SLC9A9: variants seen among roughly 807,000 people sequenced by gnomAD.
SLC9A9 encodes the protein solute carrier family 9 member A9, also known as sodium/hydrogen exchanger 9.
A neutral mutation model predicts 77.8 loss-of-function variants in SLC9A9; 62 were observed. The observed-to-expected ratio is 0.80, with a 90% CI of 0.65 to 0.98. The LOEUF (loss-of-function observed/expected upper bound fraction) is 0.98. Among genes scored for constraint, SLC9A9 ranks in the 50% least tolerant of loss-of-function variants. The pLI, the probability that SLC9A9 is intolerant of heterozygous loss-of-function variation, is 0.00. For synonymous variants in SLC9A9, 320 were observed against 283.5 expected, an observed-to-expected ratio of 1.13 and a Z score of -1.29; for missense variants, 775 against 774.9, an observed-to-expected ratio of 1.00 and a Z score of 0.00.
intron 8 of SLC9A9, among the ~76,000 whole-genome samples, chr3:143,566,620 C>T (rs980123192): frequency 1.3e-5 from 2 of 152,018 alleles, no homozygotes; most frequent in African/African-American, 2.4e-5. Context: ...GTGTTCTATA[C>T]TGTTTAACTT....
chr3:143,748,949 C>T (rs570524547), intron 4 of SLC9A9, among the ~76,000 whole-genome samples: 2 of 151,450 alleles, frequency 1.3e-5, no homozygotes, highest in Admixed American at 6.6e-5. Context: ...ATGATCCACC[C>T]GCCTCGGCCT....
At chr3:143,627,622 AG>A in intron 6 of SLC9A9, 1 of 307,944 alleles carries the variant, frequency 3.2e-6, no homozygotes, top group Non-Finnish European at 6.2e-6. Context: ...GAAGAGCCAA[AG>A]ATCCCAAAGG....
intron 4 of SLC9A9, among the ~76,000 whole-genome samples, chr3:143,701,579 G>A (rs1026381041): frequency 2.0e-5 from 3 of 152,008 alleles, no homozygotes; most frequent in Non-Finnish European, 4.4e-5. Flanking sequence ...GAATTAGTGA[G>A]CTCAAAGACA....
intron 6 of SLC9A9, among the ~76,000 whole-genome samples, chr3:143,621,244 G>A (rs2038207262): frequency 6.6e-6 from 1 of 152,198 alleles, no homozygotes; most frequent in African/African-American, 2.4e-5. Context: ...AAATGTCCCT[G>A]TCTGACAGCT....
chr3:143,480,913 A>G (rs932712784), intron 11 of SLC9A9, among the ~76,000 whole-genome samples: 6 of 152,162 alleles, frequency 3.9e-5, no homozygotes, highest in Admixed American at 3.3e-4. Context: ...AAATCAAGGG[A>G]GGGAAGGAAA....
rs534885550 is a variant in SLC9A9, at chr3:143,393,344, A to G, written c.1470-11230T>C. ...TGCAAACTGAACAGCCTGCTCCTGAATGACTACTGGGTACGTAAGGAAATG... is the reference window on the plus strand; with the variant it reads ...TGCAAACTGAACAGCCTGCTCCTGAGTGACTACTGGGTACGTAAGGAAATG... On this transcript the variant is annotated intron_variant, in intron 12 of 15. Transcript: ENST00000316549. Among the ~76,000 whole-genome samples the G allele has an allele frequency of 6.6e-5, 10 of 152,358 alleles. No individual in the cohort carries two copies. In the South Asian group the frequency reaches 2.1e-3, roughly 32 times the overall value.
intron 12 of SLC9A9, among the ~76,000 whole-genome samples, chr3:143,390,468 A>T (rs1484379261): frequency 6.6e-6 from 1 of 152,174 alleles, no homozygotes; most frequent in East Asian, 1.9e-4. Flanking sequence ...GTAAGGGGTG[A>T]ATTGTTCCAA....
At chr3:143,744,288 C>T (rs1301236536) in intron 4 of SLC9A9, among the ~76,000 whole-genome samples, 1 of 152,178 alleles carries the variant, frequency 6.6e-6, no homozygotes, top group African/African-American at 2.4e-5. Context: ...ACCGCTGATA[C>T]CCCTGTGCTC....
chr3:143,568,122 A>T (rs1427353311), intron 8 of SLC9A9, among the ~76,000 whole-genome samples: 1 of 152,180 alleles, frequency 6.6e-6, no homozygotes, highest in East Asian at 1.9e-4. Flanking sequence ...GAAAGGAGGC[A>T]TCATGGCTGC....
chr3:143,312,763 TG>T (rs1203449284), intron 14 of SLC9A9, among the ~76,000 whole-genome samples: 1 of 152,236 alleles, frequency 6.6e-6, no homozygotes, highest in African/African-American at 2.4e-5. Flanking sequence ...TTTCTAATCA[TG>T]TCAGTCATTT....
At chr3:143,744,422 G>A (rs1309915062) in intron 4 of SLC9A9, among the ~76,000 whole-genome samples, 1 of 152,152 alleles carries the variant, frequency 6.6e-6, no homozygotes, top group Admixed American at 6.5e-5. Flanking sequence ...TGTGTTAATT[G>A]GAGATGACAG....
At chr3:143,401,515 G>C (rs1307188830) in intron 12 of SLC9A9, among the ~76,000 whole-genome samples, 1 of 152,070 alleles carries the variant, frequency 6.6e-6, no homozygotes, top group African/African-American at 2.4e-5. Flanking sequence ...GCAGTAAAAA[G>C]GTTTCACTTA....
At chr3:143,776,091 T>C (rs1274405587) in intron 4 of SLC9A9, among the ~76,000 whole-genome samples, 1 of 152,198 alleles carries the variant, frequency 6.6e-6, no homozygotes, top group Non-Finnish European at 1.5e-5. Flanking sequence ...TAAAATATAT[T>C]ACCCTCAAAA....
At chr3:143,619,477 A>G (rs2038161654) in intron 6 of SLC9A9, among the ~76,000 whole-genome samples, 1 of 152,188 alleles carries the variant, frequency 6.6e-6, no homozygotes, top group East Asian at 1.9e-4. Flanking sequence ...ATGCAGACAC[A>G]TTTTCCATGC....
At chr3:143,645,373 G>C (rs1288821903) in intron 6 of SLC9A9, among the ~76,000 whole-genome samples, 1 of 152,188 alleles carries the variant, frequency 6.6e-6, no homozygotes, top group African/African-American at 2.4e-5. Context: ...CTAGGGTGAG[G>C]TTTTGTTACG....
intron 4 of SLC9A9, among the ~76,000 whole-genome samples, chr3:143,714,368 A>G (rs750870629): frequency 9.9e-5 from 15 of 152,202 alleles, no homozygotes; most frequent in Non-Finnish European, 1.8e-4. Context: ...AACTGAAGTC[A>G]TTCTGGACAC....
chr3:143,520,920 A>G (rs911908825), intron 9 of SLC9A9, among the ~76,000 whole-genome samples: 4 of 152,228 alleles, frequency 2.6e-5, no homozygotes, highest in African/African-American at 9.6e-5. Flanking sequence ...TGATTTTTAA[A>G]TTAATGGGTA....
At chr3:143,528,818 T>C (rs541640264) in intron 9 of SLC9A9, among the ~76,000 whole-genome samples, 1 of 150,814 alleles carries the variant, frequency 6.6e-6, no homozygotes, top group South Asian at 2.1e-4. Context: ...AAAAAAAGTG[T>C]GACAAATATG....
intron 12 of SLC9A9, among the ~76,000 whole-genome samples, chr3:143,462,239 G>A (rs1018978290): frequency 6.6e-6 from 1 of 152,084 alleles, no homozygotes; most frequent in Non-Finnish European, 1.5e-5. Flanking sequence ...TGGGCATGGT[G>A]GTGCACACCT....
Sources: allele counts gnomAD v4.1 joint callset (sites outside exome capture counted in the v4.1 genomes callset), GRCh38; gene constraint gnomAD v4.1.1; transcripts MANE v1.5; gene names NCBI Gene and HGNC (gene_info 2026-07-23, HGNC 2026-07-21).